GPHN: variants seen among roughly 807,000 people sequenced by gnomAD.
The protein encoded by GPHN is gephyrin.
In GPHN, 17 loss-of-function variants were observed where a neutral mutation model predicts 95.5. The observed-to-expected ratio is 0.18, with a 90% CI of 0.12 to 0.27. The LOEUF is 0.27. Ranked by LOEUF, GPHN falls within the 10% of genes least tolerant of loss-of-function variation. GPHN has a pLI of 1.00. For missense variants in GPHN, 660 were observed against 978.1 expected, an observed-to-expected ratio of 0.67 and a Z score of 4.34; for synonymous variants, 320 against 322.5, an observed-to-expected ratio of 0.99 and a Z score of 0.08.
At chr14:67,526,526 C>T in the GPHN span, among the ~76,000 whole-genome samples, 5 of 152,232 alleles carry the variant, frequency 3.3e-5, no homozygotes, top group African/African-American at 1.2e-4. Flanking sequence ...GTCTTTTATA[C>T]ATCTCAGTGT....
At chr14:67,417,325 T>C in the GPHN span, among the ~76,000 whole-genome samples, 2 of 152,232 alleles carry the variant, frequency 1.3e-5, no homozygotes, top group East Asian at 3.8e-4. Context: ...GTGCGGTGCC[T>C]GGGACACAGT....
chr14:66,669,938 T>G (rs543740045), intron 1 of GPHN, among the ~76,000 whole-genome samples: 1 of 152,354 alleles, frequency 6.6e-6, no homozygotes, highest in Non-Finnish European at 1.5e-5. Flanking sequence ...TGCCTTGGTC[T>G]TAGCACCTGT....
At chr14:66,534,405 A>G (rs535113348) in intron 1 of GPHN, among the ~76,000 whole-genome samples, 2 of 152,016 alleles carry the variant, frequency 1.3e-5, no homozygotes, top group Non-Finnish European at 2.9e-5. Context: ...TTCGTTTATT[A>G]TGGTTATGAC....
the GPHN span, among the ~76,000 whole-genome samples, chr14:67,530,533 G>A: frequency 6.6e-6 from 1 of 152,190 alleles, no homozygotes; most frequent in Non-Finnish European, 1.5e-5. Flanking sequence ...TGACTCTCCT[G>A]TAACTCCTAG....
chr14:67,026,269 T>C (rs1167777357), intron 10 of GPHN, among the ~76,000 whole-genome samples: 4 of 152,176 alleles, frequency 2.6e-5, no homozygotes, highest in Non-Finnish European at 5.9e-5. Context: ...CCTTATAGAT[T>C]GTTACAAGGA....
chr14:67,650,871 CT>C, the GPHN span: 1 of 1,614,198 alleles, frequency 6.2e-7, no homozygotes, highest in Non-Finnish European at 8.5e-7. Context: ...CAACTTCCTA[CT>C]CCCAGTTCAC....
chr14:66,879,096 C>G (rs972416829), intron 4 of GPHN, among the ~76,000 whole-genome samples: 1 of 151,952 alleles, frequency 6.6e-6, no homozygotes, highest in Admixed American at 6.6e-5. Context: ...TCTCAGCAAA[C>G]TAACACAGGA....
At chr14:66,742,183 G>C (rs968285451) in intron 2 of GPHN, among the ~76,000 whole-genome samples, 6 of 152,152 alleles carry the variant, frequency 3.9e-5, no homozygotes, top group African/African-American at 1.4e-4. Flanking sequence ...TGTCACAAGT[G>C]TCAAAAACAG....
chr14:67,595,002 T>A, the GPHN span, among the ~76,000 whole-genome samples: 1 of 151,932 alleles, frequency 6.6e-6, no homozygotes, highest in Non-Finnish European at 1.5e-5. Flanking sequence ...CCGGGCGTAG[T>A]GGCAGGCACC....
At chr14:66,627,670 G>A (rs2063573439) in intron 1 of GPHN, among the ~76,000 whole-genome samples, 1 of 152,028 alleles carries the variant, frequency 6.6e-6, no homozygotes, top group African/African-American at 2.4e-5. Flanking sequence ...TGTTTCATGA[G>A]AAATGTATGA....
At chr14:66,968,719 A>T (rs1236608264) in intron 9 of GPHN, among the ~76,000 whole-genome samples, 1 of 152,250 alleles carries the variant, frequency 6.6e-6, no homozygotes, top group Non-Finnish European at 1.5e-5. Context: ...CCTTACCTCT[A>T]CAACAGTGTT....
At chr14:67,640,872 G>T in the GPHN span, among the ~76,000 whole-genome samples, 8 of 152,308 alleles carry the variant, frequency 5.3e-5, no homozygotes, top group African/African-American at 1.9e-4. Context: ...CATAGTAAAG[G>T]ATAGAGGTTG....
At chr14:66,842,195 A>G (rs1320475184) in intron 4 of GPHN, among the ~76,000 whole-genome samples, 3 of 152,072 alleles carry the variant, frequency 2.0e-5, no homozygotes. Context: ...ATCCATCACA[A>G]TTGATGAGAT....
At chr14:67,446,410 C>G in the GPHN span, among the ~76,000 whole-genome samples, 2 of 152,156 alleles carry the variant, frequency 1.3e-5, no homozygotes, top group African/African-American at 4.8e-5. Flanking sequence ...AGCCAACAGC[C>G]TCCAAATTAC....
intron 16 of GPHN, among the ~76,000 whole-genome samples, chr14:67,118,495 G>A (rs1442683175): frequency 1.3e-5 from 2 of 152,158 alleles, no homozygotes; most frequent in African/African-American, 4.8e-5. Flanking sequence ...GGAAGCCTAG[G>A]CGGGTGGATC....
At chr14:67,086,523 C>T (rs1388035976) in intron 11 of GPHN, among the ~76,000 whole-genome samples, 1 of 150,870 alleles carries the variant, frequency 6.6e-6, no homozygotes, top group Non-Finnish European at 1.5e-5. Flanking sequence ...AGGTGGCGGG[C>T]GCCTGTAGTC....
chr14:66,824,395 C>T (rs1183603696), intron 3 of GPHN, 79 bp from the exon 4 acceptor site: 2 of 733,730 alleles, frequency 2.7e-6, no homozygotes, highest in African/African-American at 3.5e-5. Flanking sequence ...TCGTTGAATA[C>T]AAAGTGTCCT....
At chr14:67,291,166 C>CA in the GPHN span, among the ~76,000 whole-genome samples, 1 of 150,246 alleles carries the variant, frequency 6.7e-6, no homozygotes, top group East Asian at 1.9e-4. Flanking sequence ...ACAAATATGA[C>CA]AGAGTATATG....
At chr14:66,783,908 G>T (rs530889827) in intron 3 of GPHN, among the ~76,000 whole-genome samples, 93 of 152,144 alleles carry the variant, frequency 6.1e-4, no homozygotes, top group South Asian at 4.4e-3. Context: ...CGACATGGGG[G>T]ACATCTGCTA....
Sources: gnomAD v4.1 joint callset for allele counts (sites outside exome capture counted in the v4.1 genomes callset) on GRCh38, gnomAD v4.1.1 for gene constraint, MANE v1.5 for transcripts, NCBI Gene and HGNC (gene_info 2026-07-23, HGNC 2026-07-21) for gene names.